The following EVA1C variants were observed in gnomAD, a reference collection of about 807,000 sequenced individuals.
EVA1C encodes the protein protein eva-1 homolog C.
EVA1C carries 25 observed loss-of-function variants against 45.4 expected under a neutral mutation model. The observed-to-expected ratio is 0.55, with a 90% CI of 0.40 to 0.77. The LOEUF is 0.77. EVA1C is among the 30% of genes least tolerant of loss of function. The pLI is 0.00. For missense variants in EVA1C, 479 were observed against 554.8 expected (o/e 0.86, Z 1.37); for synonymous variants, 190 against 221.2 (o/e 0.86, Z 1.25).
chr21:32,413,008 T>C lies in EVA1C; in HGVS notation c.155T>C (p.Phe52Ser). The C allele has an allele frequency of 7.0e-7, 1 of 1,420,454 alleles. No homozygotes were observed. The highest frequency in any genetic ancestry group is 9.3e-7 in the Non-Finnish European group (1 of 1,077,302). The allele number at this position is 1,420,454 out of a possible 1,614,324, so 88.0% of individuals were successfully genotyped here. ...AAAGAGATCTCAGCGCTCACCGACTTCTCTGGTAAGAGCGCCCTCCCTGGC... is the reference window on the plus strand; with the variant it reads ...AAAGAGATCTCAGCGCTCACCGACTCCTCTGGTAAGAGCGCCCTCCCTGGC... The part of the protein sequence containing the change: ...CSKEISALTD[F>S]SGYLTKLLQN... The change falls in exon 1 of 8, where the codon TTC (phenylalanine) becomes TCC (serine). Residue 52 changes from phenylalanine to serine, a missense_variant. Transcript: ENST00000300255.
At chr21:32,439,667 G>A (rs1453858752) in intron 1 of EVA1C, among the ~76,000 whole-genome samples, 1 of 151,982 alleles carries the variant, frequency 6.6e-6, no homozygotes, top group Non-Finnish European at 1.5e-5. Flanking sequence ...TTTTGGATTT[G>A]CCATTTACAT....
chr21:32,507,707 CGT>C (rs760542507), intron 7 of EVA1C, among the ~76,000 whole-genome samples: 44 of 141,602 alleles, frequency 3.1e-4, no homozygotes, highest in East Asian at 6.5e-4. Flanking sequence ...CGTATGTGCA[CGT>C]GTGTGTGCAT....
At chr21:32,469,051 C>G (rs1208124446) in intron 4 of EVA1C, among the ~76,000 whole-genome samples, 1 of 152,170 alleles carries the variant, frequency 6.6e-6, no homozygotes, top group African/African-American at 2.4e-5. Flanking sequence ...TTCCTGAATC[C>G]CTCAGTTGTT....
At chr21:32,487,602 T>A (rs2146375647) in intron 4 of EVA1C, among the ~76,000 whole-genome samples, 1 of 151,822 alleles carries the variant, frequency 6.6e-6, no homozygotes, top group East Asian at 1.9e-4. Context: ...GCGCCTGTAA[T>A]CCCAGCTACT....
intron 4 of EVA1C, among the ~76,000 whole-genome samples, chr21:32,470,819 T>C (rs2036344416): frequency 1.3e-5 from 2 of 151,248 alleles, no homozygotes; most frequent in Admixed American, 1.3e-4. Flanking sequence ...AGTGCAATGG[T>C]GCGATCTCGG....
At chr21:32,484,211 G>C (rs555457771) in intron 4 of EVA1C, among the ~76,000 whole-genome samples, 179 of 152,182 alleles carry the variant, frequency 1.2e-3, no homozygotes, top group Admixed American at 3.4e-3. Flanking sequence ...AACATAGTTC[G>C]ATGTTGATGC....
intron 4 of EVA1C, among the ~76,000 whole-genome samples, chr21:32,482,680 T>C (rs2045613462): frequency 6.6e-6 from 1 of 152,264 alleles, no homozygotes; most frequent in South Asian, 2.1e-4. Flanking sequence ...GTCAGCCCAA[T>C]GGGAGATCCA....
chr21:32,509,675 G>A (rs1315087267), intron 7 of EVA1C, among the ~76,000 whole-genome samples: 2 of 152,122 alleles, frequency 1.3e-5, no homozygotes, highest in Non-Finnish European at 2.9e-5. Flanking sequence ...AGAAAGGATG[G>A]CACCCACTCA....
In EVA1C at chr21:32,419,803, C is replaced by T. The variant is rs557535514; in HGVS notation, c.160+6790C>T. 4.0e-5 allele frequency among the ~76,000 whole-genome samples: 5 copies of T among 124,134 alleles called. No individual in the cohort carries two copies. The South Asian group carries it at 8.7e-4, about 22-fold the overall frequency. 81.4% of individuals were successfully genotyped at this position (124,134 alleles called of 152,430 possible). A position where few individuals can be genotyped will look rare whatever the true frequency, so the allele number is the denominator to read the frequency against. ...GAGCAATGGACCAAGAAGGTGGGAGCGGGGGTGGGGGCTGGGGGGAGGTCT... is the reference window on the plus strand; with the variant it reads ...GAGCAATGGACCAAGAAGGTGGGAGTGGGGGTGGGGGCTGGGGGGAGGTCT... On this transcript the variant is annotated intron_variant, in intron 1 of 7. Coordinates refer to ENST00000300255, the MANE Select transcript of EVA1C (RefSeq NM_058187.5).
intron 1 of EVA1C, among the ~76,000 whole-genome samples, chr21:32,436,557 G>T (rs2034959976): frequency 6.6e-6 from 1 of 152,308 alleles, no homozygotes; most frequent in Admixed American, 6.5e-5. Context: ...AAGGCTGGGA[G>T]AGAGTTCCTT....
chr21:32,445,360 G>A (rs1003325416), intron 1 of EVA1C, among the ~76,000 whole-genome samples: 11 of 152,210 alleles, frequency 7.2e-5, no homozygotes, highest in Non-Finnish European at 1.3e-4. Context: ...TTGCCAGGGT[G>A]AAATTCAACA....
At chr21:32,414,263 A>T (rs1310107815) in intron 1 of EVA1C, among the ~76,000 whole-genome samples, 53 of 152,112 alleles carry the variant, frequency 3.5e-4, no homozygotes, top group Non-Finnish European at 1.5e-5. Flanking sequence ...CTGTGGTAAG[A>T]GTTGTGGGGA....
chr21:32,508,921 G>A (rs1400412401), intron 7 of EVA1C, among the ~76,000 whole-genome samples: 1 of 152,242 alleles, frequency 6.6e-6, no homozygotes, highest in East Asian at 1.9e-4. Context: ...AGCTGGGGAT[G>A]AACCAAGGCT....
At chr21:32,484,736 C>T (rs1416238203) in intron 4 of EVA1C, among the ~76,000 whole-genome samples, 1 of 152,120 alleles carries the variant, frequency 6.6e-6, no homozygotes, top group Non-Finnish European at 1.5e-5. Flanking sequence ...CCTAATCTCT[C>T]TTCTGGACAG....
chr21:32,457,900 AAG>A (rs761761018), intron 3 of EVA1C, among the ~76,000 whole-genome samples, 180 bp downstream of exon 3: 23 of 152,294 alleles, frequency 1.5e-4, no homozygotes, highest in Non-Finnish European at 2.8e-4. Context: ...CAGAGAAAGA[AAG>A]AGAGAGAGAT....
intron 4 of EVA1C, among the ~76,000 whole-genome samples, chr21:32,485,040 G>A (rs544753292): frequency 5.8e-4 from 88 of 152,124 alleles, no homozygotes; most frequent in Middle Eastern, 3.4e-3. Flanking sequence ...TTCTAGAAGC[G>A]TCAAACATAT....
intron 4 of EVA1C, among the ~76,000 whole-genome samples, chr21:32,471,424 C>T (rs1439679177): frequency 2.0e-5 from 3 of 150,672 alleles, no homozygotes; most frequent in Non-Finnish European, 4.4e-5. Flanking sequence ...CCTCTGGGTT[C>T]AAGCAATTCT....
At chr21:32,511,927 G>A (rs1312334503) in intron 7 of EVA1C, among the ~76,000 whole-genome samples, 1 of 152,080 alleles carries the variant, frequency 6.6e-6, no homozygotes, top group East Asian at 1.9e-4. Context: ...CGACCCACCA[G>A]CAGGAGAGTG....
intron 6 of EVA1C, among the ~76,000 whole-genome samples, chr21:32,503,262 T>C (rs1601051823): frequency 6.6e-6 from 1 of 152,158 alleles, no homozygotes; most frequent in Non-Finnish European, 1.5e-5. Context: ...TGAAATATTA[T>C]TGGCCGGGAG....
Sources: gnomAD v4.1 joint callset for allele counts (sites outside exome capture counted in the v4.1 genomes callset) on GRCh38, gnomAD v4.1.1 for gene constraint, MANE v1.5 for transcripts, NCBI Gene and HGNC (gene_info 2026-07-23, HGNC 2026-07-21) for gene names.